SPIDR: variants seen among roughly 807,000 people sequenced by gnomAD.
SPIDR encodes the protein scaffold protein involved in DNA repair.
A neutral mutation model predicts 104.6 loss-of-function variants in SPIDR; 93 were observed. The observed-to-expected ratio is 0.89, with a 90% CI of 0.75 to 1.06. The LOEUF (loss-of-function observed/expected upper bound fraction) is 1.06. Among genes scored for constraint, SPIDR ranks in the 50% least tolerant of loss-of-function variants. SPIDR has a pLI of 0.00. For missense variants in SPIDR, 1,154 were observed against 1,111.2 expected (o/e 1.04, Z -0.55); for synonymous variants, 431 against 416.9 (o/e 1.03, Z -0.41).
At chr8:47,511,646 A>G (rs2082344275) in intron 8 of SPIDR, 1 of 802,320 alleles carries the variant, frequency 1.2e-6, no homozygotes, top group Admixed American at 1.7e-5. Context: ...CCTGCCACAT[A>G]AGCAGACTCT....
rs782820271 is a variant in SPIDR, at chr8:47,396,119, T to C, written c.526-257T>C. On this transcript the variant is annotated intron_variant, in intron 5 of 19. Coordinates refer to ENST00000297423, the MANE Select transcript of SPIDR (RefSeq NM_001080394.4). Reference sequence around the variant, plus strand: ...TGTCTTGTAGTTTCCTGAAAGAAGATTGAAGTATTTGTACTTATTTTTGTG... The same window carrying C: ...TGTCTTGTAGTTTCCTGAAAGAAGACTGAAGTATTTGTACTTATTTTTGTG... 3.3e-5 allele frequency among the ~76,000 whole-genome samples: 5 copies of C among 152,200 alleles called. 1 individual carries two copies. Among genetic ancestry groups the C allele is most frequent in the Non-Finnish European group, 2.9e-5 (2 of 68,036 alleles).
intron 2 of SPIDR, among the ~76,000 whole-genome samples, chr8:47,283,769 A>C (rs71213345): frequency 1.8e-3 from 270 of 152,314 alleles, no homozygotes; most frequent in Non-Finnish European, 3.2e-3. Context: ...AGTTGGAGTC[A>C]CATGTATGAG....
chr8:47,416,192 G>A (rs148739751), intron 7 of SPIDR, among the ~76,000 whole-genome samples: 50 of 152,322 alleles, frequency 3.3e-4, no homozygotes, highest in African/African-American at 1.1e-3. Flanking sequence ...GCAGTGAGCC[G>A]AGATGGCGCC....
At chr8:47,456,860 T>G (rs1441833942) in intron 8 of SPIDR, among the ~76,000 whole-genome samples, 4 of 152,214 alleles carry the variant, frequency 2.6e-5, no homozygotes, top group Non-Finnish European at 5.9e-5. Context: ...CGATGTTTGT[T>G]TTTCCATACC....
intron 6 of SPIDR, among the ~76,000 whole-genome samples, chr8:47,407,057 A>G (rs1183725265): frequency 6.6e-6 from 1 of 152,250 alleles, no homozygotes; most frequent in Non-Finnish European, 1.5e-5. Context: ...TTATGTTAGT[A>G]GTTGATAACT....
intron 8 of SPIDR, among the ~76,000 whole-genome samples, chr8:47,449,170 C>G (rs2071236725): frequency 6.6e-6 from 1 of 152,046 alleles, no homozygotes; most frequent in Non-Finnish European, 1.5e-5. Context: ...ACAGGGTTTG[C>G]TGATGGGTTT....
chr8:47,305,955 G>T (rs988721443), intron 5 of SPIDR, among the ~76,000 whole-genome samples: 5 of 152,118 alleles, frequency 3.3e-5, no homozygotes, highest in African/African-American at 1.2e-4. Context: ...TTGAAATTCT[G>T]TACTCATTAA....
chr8:47,511,750 A>C (rs1045114053), intron 8 of SPIDR: 2 of 1,300,132 alleles, frequency 1.5e-6, no homozygotes, highest in Non-Finnish European at 2.2e-6. Context: ...CTCCACAGCT[A>C]CAGCTCCATG....
At chr8:47,458,525 A>C (rs1326760712) in intron 8 of SPIDR, among the ~76,000 whole-genome samples, 2 of 151,878 alleles carry the variant, frequency 1.3e-5, no homozygotes. Flanking sequence ...TATCCATTCT[A>C]GGAGCTTTTC....
At chr8:47,533,256 GATA>G (rs2086322527) in intron 8 of SPIDR, among the ~76,000 whole-genome samples, 1 of 151,908 alleles carries the variant, frequency 6.6e-6, no homozygotes, top group African/African-American at 2.4e-5. Flanking sequence ...TAATAAATAA[GATA>G]ATAAAAATTC....
chr8:47,316,928 G>C (rs898344510), intron 5 of SPIDR, among the ~76,000 whole-genome samples: 1 of 152,180 alleles, frequency 6.6e-6, no homozygotes, highest in African/African-American at 2.4e-5. Flanking sequence ...GATGTGTACT[G>C]TCATCTGCAA....
chr8:47,660,820 C>T (rs2073990846), intron 10 of SPIDR: 1 of 350,904 alleles, frequency 2.8e-6, no homozygotes, highest in Non-Finnish European at 4.0e-6. Context: ...AATGCAGACA[C>T]CTGGCTTCAG....
Position 47,405,492 on chromosome 8 carries a change from T to G in SPIDR, c.777-2369T>G, listed in dbSNP as rs1032545275. On this transcript the variant is annotated intron_variant, in intron 6 of 19. Coordinates refer to ENST00000297423, the MANE Select transcript of SPIDR (RefSeq NM_001080394.4). ...CTGGTTGTATAGCTTATTAAAAATA[T>G]TTTGACTGTAAATCAGTTGGAATAT... 2.0e-5 allele frequency among the ~76,000 whole-genome samples: 3 copies of G among 152,306 alleles called. No individual in the cohort carries two copies. In the East Asian group the frequency reaches 5.8e-4, roughly 29 times the overall value.
At chr8:47,724,530 G>T (rs1351329940) in intron 16 of SPIDR, among the ~76,000 whole-genome samples, 1 of 152,220 alleles carries the variant, frequency 6.6e-6, no homozygotes, top group Non-Finnish European at 1.5e-5. Context: ...GAAGATCTCA[G>T]TGATGACATG....
intron 5 of SPIDR, among the ~76,000 whole-genome samples, chr8:47,305,760 G>A (rs2042993188): frequency 6.6e-6 from 1 of 152,114 alleles, no homozygotes; most frequent in Non-Finnish European, 1.5e-5. Context: ...AATTGTTAAT[G>A]CCTAAGAACT....
intron 14 of SPIDR, among the ~76,000 whole-genome samples, chr8:47,705,354 G>C (rs1321682829): frequency 1.3e-5 from 2 of 152,182 alleles, no homozygotes; most frequent in African/African-American, 4.8e-5. Flanking sequence ...CTAGGAATCA[G>C]TAGTCCTATA....
intron 3 of SPIDR, among the ~76,000 whole-genome samples, chr8:47,286,616 T>A (rs2154232266): frequency 6.6e-6 from 1 of 151,960 alleles, no homozygotes; most frequent in South Asian, 2.1e-4. Flanking sequence ...TACACAAAAT[T>A]TAAAATTCAG....
At position 47,704,604 on chromosome 8, in the gene SPIDR, T is replaced by G. The variant is rs556585763; in HGVS notation, c.1977+2589T>G. 2.6e-5 allele frequency among the ~76,000 whole-genome samples: 4 copies of G among 152,370 alleles called. No homozygotes were observed. In the East Asian group the frequency reaches 7.7e-4, roughly 29 times the overall value. On this transcript the variant is annotated intron_variant, in intron 14 of 19. Coordinates refer to ENST00000297423, the MANE Select transcript of SPIDR (RefSeq NM_001080394.4). The stretch of plus-strand genomic sequence containing the variant: ...TTCACCGCGTTGTCTCATGTCCTTG[T>G]CTGTCAAATGGGTGTAACATTCTCT...
chr8:47,547,003 G>T (rs1356758338), intron 8 of SPIDR: 12 of 509,190 alleles, frequency 2.4e-5, no homozygotes, highest in Admixed American at 1.6e-4. Context: ...CTCTCTCTGT[G>T]GGTAATGACA....
Sources: gnomAD v4.1 joint callset for allele counts (sites outside exome capture counted in the v4.1 genomes callset) on GRCh38, gnomAD v4.1.1 for gene constraint, MANE v1.5 for transcripts, NCBI Gene and HGNC (gene_info 2026-07-23, HGNC 2026-07-21) for gene names.